The following OPRM1 variants were observed in gnomAD, a reference collection of about 807,000 sequenced individuals.
OPRM1 encodes the protein mu-type opioid receptor.
In OPRM1, 27 loss-of-function variants were observed where a neutral mutation model predicts 31.8. The ratio of observed to expected loss-of-function variants is 0.85; its 90% confidence interval spans 0.63 to 1.17. OPRM1 has a LOEUF of 1.17. Ranked by LOEUF, OPRM1 falls within the 50% of genes most tolerant of loss-of-function variation. The pLI, the probability that OPRM1 is intolerant of heterozygous loss-of-function variation, is 0.00. For synonymous variants in OPRM1, 196 were observed against 189.9 expected, an observed-to-expected ratio of 1.03 and a Z score of -0.26; for missense variants, 536 against 511.1, an observed-to-expected ratio of 1.05 and a Z score of -0.47.
rs200853397 is a variant in OPRM1, at chr6:154,195,020, T to TC, written c.1165-51669dup. On this transcript the variant is annotated intron_variant, in intron 3 of 3. Coordinates refer to the OPRM1 transcript ENST00000337049. ...TAGGCATGCTGCAGAACCCCTCATC[T>TC]CCCCTTCCTTCCCGTCTCCACTGCC... is the stretch of plus-strand genomic sequence containing the variant. Among the ~76,000 whole-genome samples, 1,349 of 152,024 alleles carry TC rather than the reference T, an allele frequency of 8.9e-3. 7 individuals carry two copies. Among genetic ancestry groups the TC allele is most frequent in the Non-Finnish European group, 0.013 (896 of 67,936 alleles).
chr6:154,197,887 G>A (rs1036397440), intron 3 of OPRM1, among the ~76,000 whole-genome samples: 2 of 152,178 alleles, frequency 1.3e-5, no homozygotes, highest in Non-Finnish European at 2.9e-5. Flanking sequence ...TAAAGTAAGC[G>A]TTTGTAGGAG....
chr6:154,196,152 CA>C (rs1228132747), intron 3 of OPRM1, among the ~76,000 whole-genome samples: 2 of 151,766 alleles, frequency 1.3e-5, no homozygotes, highest in Non-Finnish European at 1.5e-5. Context: ...GTTAGGTACT[CA>C]AAAAAATGAT....
chr6:154,090,244 C>A, intron 2 of OPRM1, 66 bp downstream of exon 2: 2 of 1,067,264 alleles, frequency 1.9e-6, no homozygotes, highest in Non-Finnish European at 2.8e-6. Flanking sequence ...ATGTCATAAG[C>A]AAAGCAGTAT....
chr6:154,032,486 A>G (rs1779067900), intron 1 of OPRM1, among the ~76,000 whole-genome samples: 1 of 152,226 alleles, frequency 6.6e-6, no homozygotes, highest in Admixed American at 6.5e-5. Context: ...CCCAGGCTGG[A>G]GTGCAGTGGC....
At chr6:154,144,328 T>C (rs1278104281) in intron 3 of OPRM1, among the ~76,000 whole-genome samples, 1 of 152,244 alleles carries the variant, frequency 6.6e-6, no homozygotes, top group Admixed American at 6.5e-5. Context: ...GCTACTGTTA[T>C]ATTGATACCA....
At chr6:154,071,399 CT>C (rs1786689602) in intron 1 of OPRM1, among the ~76,000 whole-genome samples, 1 of 152,184 alleles carries the variant, frequency 6.6e-6, no homozygotes, top group Non-Finnish European at 1.5e-5. Flanking sequence ...CTGTACCCAT[CT>C]GTCAGCATCA....
rs1308327444 is a variant in OPRM1 at position 154,129,842 on chromosome 6, TC to T, written c.*11129del. Among the ~76,000 whole-genome samples, 8 of 118,830 alleles carry T rather than the reference TC, an allele frequency of 6.7e-5. No individual in the cohort carries two copies. The highest frequency in any genetic ancestry group is 1.5e-4 in the African/African-American group (4 of 26,918). The allele number at this position is 118,830 out of a possible 152,430, so 78.0% of individuals were successfully genotyped here. ...TAAGCGTACTTTACCACCGACACCC[TC>T]CCCCCCCAGCACACACACACACACA... is the stretch of plus-strand genomic sequence containing the variant. On this transcript the variant is annotated 3_prime_UTR_variant, in exon 4 of 4. Coordinates refer to ENST00000330432, the MANE Select transcript of OPRM1 (RefSeq NM_000914.5).
intron 3 of OPRM1, among the ~76,000 whole-genome samples, chr6:154,164,658 C>G (rs187933091): frequency 6.6e-6 from 1 of 152,128 alleles, no homozygotes; most frequent in African/African-American, 2.4e-5. Flanking sequence ...GTGTGTGGCT[C>G]GACTCAAGAC....
chr6:154,146,137 C>A (rs1437752297), intron 3 of OPRM1, among the ~76,000 whole-genome samples: 1 of 152,218 alleles, frequency 6.6e-6, no homozygotes, highest in African/African-American at 2.4e-5. Flanking sequence ...CAGTGGCTCA[C>A]GCCTGTAATC....
At chr6:154,080,992 C>T (rs1233597456) in intron 1 of OPRM1, among the ~76,000 whole-genome samples, 7 of 152,106 alleles carry the variant, frequency 4.6e-5, no homozygotes, top group Non-Finnish European at 1.5e-5. Flanking sequence ...TTGTAAGTGA[C>T]GTCACTGATT....
intron 3 of OPRM1, among the ~76,000 whole-genome samples, chr6:154,113,854 A>C (rs1194241809): frequency 6.6e-6 from 1 of 152,198 alleles, no homozygotes; most frequent in East Asian, 1.9e-4. Flanking sequence ...GCTGGGATTC[A>C]GAGACAAAAA....
chr6:154,083,003 C>A (rs1789524732), intron 1 of OPRM1, among the ~76,000 whole-genome samples: 1 of 152,088 alleles, frequency 6.6e-6, no homozygotes, highest in Non-Finnish European at 1.5e-5. Context: ...CAAAACATGT[C>A]ATTTTTATAT....
intron 3 of OPRM1, among the ~76,000 whole-genome samples, chr6:154,220,386 G>T (rs536826118): frequency 2.0e-5 from 3 of 152,186 alleles, no homozygotes; most frequent in Non-Finnish European, 4.4e-5. Context: ...GACCAGGTGC[G>T]GTGGCTTACG....
intron 3 of OPRM1, among the ~76,000 whole-genome samples, chr6:154,141,318 G>C (rs749642078): frequency 3.9e-5 from 6 of 152,148 alleles, no homozygotes; most frequent in Non-Finnish European, 8.8e-5. Flanking sequence ...TTACCCCTAA[G>C]TCTCAGTGCT....
chr6:154,015,861 T>A (rs1777975050), intron 1 of OPRM1, among the ~76,000 whole-genome samples: 1 of 152,022 alleles, frequency 6.6e-6, no homozygotes, highest in Non-Finnish European at 1.5e-5. Context: ...CTCTGAGAGA[T>A]GGTCAACCTC....
Position 154,199,829 on chromosome 6 carries a change from G to C in OPRM1, c.1165-46864G>C, listed in dbSNP as rs771067303. On this transcript the variant is annotated intron_variant, in intron 3 of 3. Transcript: ENST00000337049. The stretch of plus-strand genomic sequence containing the variant: ...GGCCTTGTGGATGCCTGCCTCTGAG[G>C]GTACAGGTGAATGAACTTGCACAGC... 2.5e-6 allele frequency: 4 copies of C among 1,614,020 alleles called. No homozygotes were observed. The African/African-American group carries it at 4.0e-5, about 16-fold the overall frequency.
chr6:154,087,350 A>G (rs754764969), intron 1 of OPRM1: 43 of 985,318 alleles, frequency 4.4e-5, no homozygotes, highest in Non-Finnish European at 4.8e-5. Flanking sequence ...CCTCCAACCA[A>G]CAGCTGTCTT....
In OPRM1 at chr6:154,089,879, C is replaced by G; in HGVS notation, c.344C>G (p.Ala115Gly). ...TNIYIFNLAL[A>G]DALATSTLPF... is the part of the protein sequence containing the mutation. ...ATCTACATTTTCAACCTTGCTCTGGCAGATGCCTTAGCCACCAGTACCCTG... is the reference window on the plus strand; with the variant it reads ...ATCTACATTTTCAACCTTGCTCTGGGAGATGCCTTAGCCACCAGTACCCTG... Residue 115 changes from alanine to glycine, a missense_variant, in exon 2 of 4, where the codon GCA becomes GGA. Ala to Gly is a moderately conservative substitution (Grantham distance 60). Coordinates refer to ENST00000330432, the MANE Select transcript of OPRM1 (RefSeq NM_000914.5). The G allele has an allele frequency of 4.3e-6, 7 of 1,614,088 alleles. No individual in the cohort carries two copies. Among genetic ancestry groups the G allele is most frequent in the Non-Finnish European group, 5.9e-6 (7 of 1,179,960 alleles).
chr6:154,232,265 AG>A (rs1779782252), intron 3 of OPRM1, among the ~76,000 whole-genome samples: 1 of 152,254 alleles, frequency 6.6e-6, no homozygotes, highest in African/African-American at 2.4e-5. Context: ...ACCAAAAGAA[AG>A]AAAAAATGTC....
Sources: allele counts gnomAD v4.1 joint callset (sites outside exome capture counted in the v4.1 genomes callset), GRCh38; gene constraint gnomAD v4.1.1; transcripts MANE v1.5; gene names NCBI Gene and HGNC (gene_info 2026-07-23, HGNC 2026-07-21).